The following PFKL variants were observed in gnomAD, a reference collection of about 807,000 sequenced individuals.
PFKL encodes the protein ATP-dependent 6-phosphofructokinase, liver type.
PFKL carries 74 observed loss-of-function variants against 92.1 expected under a neutral mutation model. The observed-to-expected ratio is 0.80, with a 90% CI of 0.67 to 0.97. The LOEUF is 0.97. Ranked by LOEUF, PFKL falls within the 50% of genes least tolerant of loss-of-function variation. The probability of loss-of-function intolerance (pLI) is 0.00; values close to 1 mark genes in which losing one functional copy is unlikely to be tolerated. For missense variants in PFKL, 1,028 were observed against 1,116.6 expected, an observed-to-expected ratio of 0.92 and a Z score of 1.13; for synonymous variants, 494 against 456.4, an observed-to-expected ratio of 1.08 and a Z score of -1.05.
In PFKL at chr21:44,316,329, A is replaced by G; in HGVS notation, c.833A>G (p.Tyr278Cys). 1.9e-6 allele frequency: 3 copies of G among 1,613,160 alleles called. No individual in the cohort carries two copies. The highest frequency in any genetic ancestry group is 2.5e-6 in the Non-Finnish European group (3 of 1,179,842). ...DRNGKPISSS[Y>C]VKDLVVQRLG... ...AACGGGAAGCCCATCTCGTCCAGCT[A>G]CGTGAAGGACGTGCGTGTGGGCCTG... The change falls in exon 8 of 22, where the codon TAC becomes TGC. Residue 278 changes from tyrosine to cysteine, a missense_variant. Coordinates refer to ENST00000349048, the MANE Select transcript of PFKL (RefSeq NM_002626.6).
intron 1 of PFKL, among the ~76,000 whole-genome samples, chr21:44,304,083 C>A (rs2040857417): frequency 6.7e-6 from 1 of 149,584 alleles, no homozygotes. Context: ...AATCCAGTCC[C>A]AACAACAAAG....
At position 44,316,414 on chromosome 21, in the gene PFKL, C is replaced by T; in HGVS notation, c.844-18C>T. 2 of 1,612,460 alleles carry T rather than the reference C, an allele frequency of 1.2e-6. No homozygotes were observed. Among genetic ancestry groups the T allele is most frequent in the Non-Finnish European group, 8.5e-7 (1 of 1,179,322 alleles). ...TGTGGGCTGGGGCTCAGGGCTGGTC[C>T]TTCCCACTGTCCTGCAGCTGGTGGT... On this transcript the variant is annotated intron_variant, in intron 8 of 21. Coordinates refer to ENST00000349048, the MANE Select transcript of PFKL (RefSeq NM_002626.6).
At chr21:44,312,341 C>T (rs761936238) in intron 4 of PFKL, 47 bp downstream of exon 4, 31 of 1,479,512 alleles carry the variant, frequency 2.1e-5, no homozygotes, top group Middle Eastern at 2.3e-4. Flanking sequence ...TTTGTTTTGC[C>T]GCTGCTGCCA....
chr21:44,301,328 C>T (rs1382880878), intron 1 of PFKL, among the ~76,000 whole-genome samples: 1 of 152,160 alleles, frequency 6.6e-6, no homozygotes, highest in African/African-American at 2.4e-5. Flanking sequence ...GTGGCAAGAG[C>T]GGGAGCTGCT....
At position 44,321,709 on chromosome 21, in the gene PFKL, A is replaced by G. The variant is rs372893466; in HGVS notation, c.1192-20A>G. ...CCCTCCCCGGCTGTGCCTCACGCTC[A>G]TCTCCCCTTCTCTCTGAAGTCTAAC... On this transcript the variant is annotated intron_variant, in intron 12 of 21. Transcript: ENST00000349048. The G allele has an allele frequency of 6.5e-7, 1 of 1,531,186 alleles. No individual in the cohort carries two copies. Among genetic ancestry groups the G allele is most frequent in the Non-Finnish European group, 8.8e-7 (1 of 1,138,564 alleles). 94.8% of individuals were successfully genotyped at this position (1,531,186 alleles called of 1,614,324 possible). A position where few individuals can be genotyped will look rare whatever the true frequency, so the allele number is the denominator to read the frequency against.
chr21:44,307,006 G>C (rs1291729363), intron 2 of PFKL, among the ~76,000 whole-genome samples: 5 of 152,198 alleles, frequency 3.3e-5, no homozygotes, highest in Non-Finnish European at 7.4e-5. Flanking sequence ...CCTGGGGGCA[G>C]GGAAGGAGCT....
chr21:44,311,209 C>A lies in PFKL; in HGVS notation c.237+126C>A, dbSNP rs865961279. 101 of 684,654 alleles carry A rather than the reference C, an allele frequency of 1.5e-4. 6 individuals carry two copies. In the Middle Eastern group the frequency reaches 3.1e-3, roughly 21 times the overall value. The allele number at this position is 684,654 out of a possible 1,614,324, so 42.4% of individuals were successfully genotyped here. A position where few individuals can be genotyped will look rare whatever the true frequency, so the allele number is the denominator to read the frequency against. On this transcript the variant is annotated intron_variant, in intron 3 of 21. Transcript: ENST00000349048. ...GCACAAACACACACATGCAGACACA[C>A]AGACATGCACACAGACGCACACACA...
intron 2 of PFKL, among the ~76,000 whole-genome samples, chr21:44,307,479 C>T (rs1235430495): frequency 6.6e-6 from 1 of 152,196 alleles, no homozygotes; most frequent in East Asian, 1.9e-4. Context: ...ATTTTGTTGC[C>T]ACTTTTTATG....
chr21:44,323,160 G>GC (rs2047403071), intron 15 of PFKL, 111 bp downstream of exon 15: 5 of 886,370 alleles, frequency 5.6e-6, no homozygotes, highest in Non-Finnish European at 9.1e-6. Flanking sequence ...CGATGCAGGG[G>GC]CCGAGAGGGT....
intron 1 of PFKL, chr21:44,305,671 G>C: frequency 1.0e-6 from 1 of 983,742 alleles, no homozygotes; most frequent in Non-Finnish European, 1.4e-6. Context: ...AGATTAGGTG[G>C]TCTTGGCTGC....
In PFKL at chr21:44,312,185, C is replaced by A. The variant is rs752980930; in HGVS notation, c.318C>A (p.Val106=). 9 of 1,605,144 alleles carry A rather than the reference C, an allele frequency of 5.6e-6. No individual in the cohort carries two copies. In the South Asian group the frequency reaches 1.0e-4, roughly 18 times the overall value. The part of the protein sequence containing the change: ...EGRRAAAYNL[V]QHGITNLCVI... ...GCCGGGCAGCGGCCTACAACCTGGT[C>A]CAGCACGGCATCACCAACCTGTGCG... Residue 106 remains valine (V), a synonymous_variant, in exon 4 of 22, where the codon GTC becomes GTA. Transcript: ENST00000349048.
chr21:44,305,575 C>T (rs2040911038), intron 1 of PFKL, among the ~76,000 whole-genome samples: 1 of 152,156 alleles, frequency 6.6e-6, no homozygotes, highest in Admixed American at 6.5e-5. Context: ...GTCCCAGGGG[C>T]AAGCACAAAC....
At chr21:44,325,359 C>T (rs1380606419) in intron 19 of PFKL, 95 bp downstream of exon 19, 12 of 804,384 alleles carry the variant, frequency 1.5e-5, no homozygotes, top group Middle Eastern at 2.8e-4. Flanking sequence ...CGGGCACCCA[C>T]GGGCACTCCC....
At chr21:44,319,300 G>C (rs1568962791) in intron 10 of PFKL, 51 bp from the exon 11 acceptor site, 1 of 1,493,424 alleles carries the variant, frequency 6.7e-7, no homozygotes, top group South Asian at 1.1e-5. Context: ...AGTAGCCATG[G>C]GTGTGCGGGC....
chr21:44,318,493 G>A lies in PFKL; in HGVS notation c.960G>A (p.Ala320=), dbSNP rs142092923. The A allele has an allele frequency of 1.9e-4, 292 of 1,567,438 alleles. No homozygotes were observed. The highest frequency in any genetic ancestry group is 2.4e-4 in the Non-Finnish European group (272 of 1,150,842). ...RILSSKMGME[A]VMALLEATPD... ...AGAGCAGCAAGATGGGCATGGAGGC[G>A]GTGATGGCGCTGCTGGAAGCCACGC... Residue 320 remains alanine, a synonymous_variant, in exon 10 of 22, where the codon GCG becomes GCA. Coordinates refer to ENST00000349048, the MANE Select transcript of PFKL (RefSeq NM_002626.6).
At chr21:44,314,147 C>A in intron 7 of PFKL, 126 bp downstream of exon 7, 1 of 693,546 alleles carries the variant, frequency 1.4e-6, no homozygotes. Context: ...GCTGCAGGTG[C>A]CCCTTGGGGG....
At chr21:44,320,234 C>G in intron 12 of PFKL, 87 bp downstream of exon 12, 4 of 1,142,158 alleles carry the variant, frequency 3.5e-6, no homozygotes, top group Non-Finnish European at 5.2e-6. Flanking sequence ...CTGGGCCTGC[C>G]TGCCCCCACC....
chr21:44,319,927 T>C, intron 11 of PFKL, 157 bp from the exon 12 acceptor site: 1 of 646,272 alleles, frequency 1.5e-6, no homozygotes, highest in South Asian at 1.8e-5. Context: ...CTGTGGAAGG[T>C]GCCCTGCCTG....
At chr21:44,301,871 C>A (rs1344901189) in intron 1 of PFKL, among the ~76,000 whole-genome samples, 1 of 152,128 alleles carries the variant, frequency 6.6e-6, no homozygotes, top group Non-Finnish European at 1.5e-5. Context: ...ACGTGCCCCC[C>A]CCACCCCCTG....
Sources: allele counts gnomAD v4.1 joint callset (sites outside exome capture counted in the v4.1 genomes callset), GRCh38; gene constraint gnomAD v4.1.1; transcripts MANE v1.5; gene names NCBI Gene and HGNC (gene_info 2026-07-23, HGNC 2026-07-21).